Variants in RABGAP1L observed in about 807,000 individuals in gnomAD.
The protein encoded by RABGAP1L is rab GTPase-activating protein 1-like.
Under a neutral mutation model 137.7 loss-of-function variants are expected in RABGAP1L, and 63 were observed. That is an observed-to-expected ratio of 0.46 (90% CI 0.37 to 0.56). The LOEUF (loss-of-function observed/expected upper bound fraction) is 0.56. Ranked by LOEUF, RABGAP1L falls within the 20% of genes least tolerant of loss-of-function variation. The probability of loss-of-function intolerance (pLI) is 0.00; values close to 1 mark genes in which losing one functional copy is unlikely to be tolerated. For synonymous variants in RABGAP1L, 431 were observed against 433.7 expected, an observed-to-expected ratio of 0.99 and a Z score of 0.08; for missense variants, 1,095 against 1,244.0, an observed-to-expected ratio of 0.88 and a Z score of 1.80.
At chr1:174,240,680 C>T (rs1263832240) in intron 4 of RABGAP1L, among the ~76,000 whole-genome samples, 2 of 152,184 alleles carry the variant, frequency 1.3e-5, no homozygotes, top group Non-Finnish European at 2.9e-5. Flanking sequence ...GAAAGGGCCT[C>T]AGTTGAACAA....
chr1:174,197,044 G>T (rs1205188083), intron 1 of RABGAP1L, among the ~76,000 whole-genome samples: 1 of 152,022 alleles, frequency 6.6e-6, no homozygotes, highest in Non-Finnish European at 1.5e-5. Context: ...GACTGATCTG[G>T]GATTCATATT....
At chr1:174,301,468 GGGGCAGCTGCCCTCTGCCAGCAGA>G (rs1324575032) in intron 10 of RABGAP1L, among the ~76,000 whole-genome samples, 1 of 151,440 alleles carries the variant, frequency 6.6e-6, no homozygotes, top group African/African-American at 2.4e-5. Context: ...TCTGTTGTGT[GGGGCAGCTGCCCTCTGCCAGCAGA>G]GGGCAGAGGG....
chr1:174,990,071 GTCCCTTT>G lies in RABGAP1L; in HGVS notation c.*71_*77del. 7.0e-7 allele frequency: 1 copy of G among 1,431,076 alleles called. No individual in the cohort carries two copies. Among genetic ancestry groups the G allele is most frequent in the Non-Finnish European group, 9.5e-7 (1 of 1,057,302 alleles). The allele number at this position is 1,431,076 out of a possible 1,614,324, so 88.6% of individuals were successfully genotyped here. A position where few individuals can be genotyped will look rare whatever the true frequency, so the allele number is the denominator to read the frequency against. ...GAAATCTGGGAGGATTCTTCCTGGT[GTCCCTTT>G]GAAGGAAAGTCAAGGAGGCCAGAAA... On this transcript the variant is annotated 3_prime_UTR_variant, in exon 26 of 26. Transcript: ENST00000681986.
intron 7 of RABGAP1L, among the ~76,000 whole-genome samples, chr1:174,271,357 T>A (rs376414447): frequency 6.6e-6 from 1 of 152,094 alleles, no homozygotes; most frequent in African/African-American, 2.4e-5. Context: ...AGTAAACCTT[T>A]GAAAAACAAC....
At chr1:174,639,327 TA>T (rs1674337018) in intron 14 of RABGAP1L, among the ~76,000 whole-genome samples, 1 of 152,212 alleles carries the variant, frequency 6.6e-6, no homozygotes, top group Non-Finnish European at 1.5e-5. Flanking sequence ...GAAAGTGATA[TA>T]TCATCTACTT....
rs1671797349 is a variant in RABGAP1L at position 174,988,494 on chromosome 1, A to G, written c.2806-147A>G. 7.1e-6 allele frequency: 5 copies of G among 705,712 alleles called. No homozygotes were observed. In the East Asian group the frequency reaches 1.6e-4, roughly 23 times the overall value. 43.7% of individuals were successfully genotyped at this position (705,712 alleles called of 1,614,324 possible). On this transcript the variant is annotated intron_variant, in intron 24 of 25. Coordinates refer to ENST00000681986, the MANE Select transcript of RABGAP1L (RefSeq NM_001366446.1). The stretch of plus-strand genomic sequence containing the variant: ...AGTTGGGTTCGGGCTAATGATTTTG[A>G]TTGCAGCACAAGAAAAATAATTAAC...
chr1:174,849,405 A>G (rs1647815964), intron 19 of RABGAP1L, among the ~76,000 whole-genome samples: 1 of 152,150 alleles, frequency 6.6e-6, no homozygotes, highest in African/African-American at 2.4e-5. Context: ...ATGTGCCTAA[A>G]ATAACACGCT....
chr1:174,550,642 T>C (rs1402091706), intron 13 of RABGAP1L, among the ~76,000 whole-genome samples: 1 of 151,806 alleles, frequency 6.6e-6, no homozygotes. Context: ...TAGCATCTGA[T>C]AGAACTTTTA....
chr1:174,898,215 G>A (rs1248979309), intron 19 of RABGAP1L, among the ~76,000 whole-genome samples: 2 of 152,052 alleles, frequency 1.3e-5, no homozygotes, highest in East Asian at 1.9e-4. Context: ...AGTTTGATGA[G>A]GTAAGTACAG....
chr1:174,424,823 CAT>C (rs1451830556), intron 13 of RABGAP1L, among the ~76,000 whole-genome samples: 1 of 151,872 alleles, frequency 6.6e-6, no homozygotes, highest in Non-Finnish European at 1.5e-5. Flanking sequence ...TATTTGTGCA[CAT>C]GATTAACACT....
chr1:174,863,879 C>G (rs576426426), intron 19 of RABGAP1L, among the ~76,000 whole-genome samples: 15 of 151,878 alleles, frequency 9.9e-5, no homozygotes, highest in Admixed American at 8.5e-4. Flanking sequence ...ACTCGGGAGG[C>G]TGAGGCAGGA....
At chr1:174,758,346 T>A (rs1170576849) in intron 18 of RABGAP1L, among the ~76,000 whole-genome samples, 1 of 152,146 alleles carries the variant, frequency 6.6e-6, no homozygotes, top group African/African-American at 2.4e-5. Flanking sequence ...TCTAGGAATT[T>A]GCTTATTGCT....
chr1:174,798,423 C>A (rs985522616), intron 18 of RABGAP1L, among the ~76,000 whole-genome samples: 2 of 151,326 alleles, frequency 1.3e-5, no homozygotes, highest in Admixed American at 6.6e-5. Flanking sequence ...AAAAAGAAAT[C>A]ATTTTTGGAA....
chr1:174,559,449 A>T (rs539261870), intron 13 of RABGAP1L, among the ~76,000 whole-genome samples: 2 of 152,354 alleles, frequency 1.3e-5, no homozygotes, highest in South Asian at 4.1e-4. Flanking sequence ...ATCTTAAAAT[A>T]ACCTTTTTAT....
chr1:174,498,309 T>C (rs940620183), intron 13 of RABGAP1L, among the ~76,000 whole-genome samples: 1 of 152,170 alleles, frequency 6.6e-6, no homozygotes, highest in African/African-American at 2.4e-5. Context: ...ATGTTTGTAA[T>C]ATTCACATAT....
chr1:174,305,215 A>C, intron 11 of RABGAP1L, 88 bp downstream of exon 11: 1 of 1,313,502 alleles, frequency 7.6e-7, no homozygotes, highest in Non-Finnish European at 9.9e-7. Flanking sequence ...TGTGGGTAGA[A>C]GTGGTGGTTA....
intron 17 of RABGAP1L, among the ~76,000 whole-genome samples, chr1:174,740,412 G>A (rs547234383): frequency 1.3e-5 from 2 of 152,170 alleles, no homozygotes; most frequent in South Asian, 4.2e-4. Context: ...TCACCCCTTG[G>A]AGGGATGAAA....
intron 10 of RABGAP1L, among the ~76,000 whole-genome samples, chr1:174,281,192 G>C (rs554432382): frequency 2.0e-5 from 3 of 152,146 alleles, no homozygotes; most frequent in Non-Finnish European, 4.4e-5. Context: ...AAGAGGACCC[G>C]AGCGGGTTGC....
chr1:174,759,624 T>G (rs562987882), intron 18 of RABGAP1L, among the ~76,000 whole-genome samples: 1 of 152,092 alleles, frequency 6.6e-6, no homozygotes, highest in South Asian at 2.1e-4. Context: ...AAAATGGTTT[T>G]ATTTTGGCTT....
Sources: allele counts gnomAD v4.1 joint callset (sites outside exome capture counted in the v4.1 genomes callset), GRCh38; gene constraint gnomAD v4.1.1; transcripts MANE v1.5; gene names NCBI Gene and HGNC (gene_info 2026-07-23, HGNC 2026-07-21).